PLA2G4F: variants seen among roughly 807,000 people sequenced by gnomAD.
PLA2G4F encodes the protein phospholipase A2 group IVF, also known as cytosolic phospholipase A2 zeta.
PLA2G4F carries 105 observed loss-of-function variants against 103.1 expected under a neutral mutation model. That is an observed-to-expected ratio of 1.02 (90% CI 0.87 to 1.20). The LOEUF (loss-of-function observed/expected upper bound fraction) is 1.20, where lower values mean the gene tolerates loss of function less well. Among genes scored for constraint, PLA2G4F ranks in the 50% most tolerant of loss-of-function variants. PLA2G4F has a pLI of 0.00. For synonymous variants in PLA2G4F, 468 were observed against 441.1 expected (o/e 1.06, Z -0.76); for missense variants, 1,155 against 1,075.9 (o/e 1.07, Z -1.03).
rs1024853317 is a variant in PLA2G4F, at chr15:42,149,760, C to A, written c.1012G>T (p.Ala338Ser). 6.2e-7 allele frequency: 1 copy of A among 1,614,094 alleles called. No individual in the cohort carries two copies. The highest frequency in any genetic ancestry group is 1.3e-5 in the African/African-American group (1 of 74,932). ...CTCAATCCCAGCACTTGCTGCAGGG[C>A]CTTGGACACGACCTGCTTCCTCCTG... ...LDRRKQVVSKALQQVLGLSEA... is the reference protein window; with the variant it reads ...LDRRKQVVSKSLQQVLGLSEA... The change falls in exon 11 of 20, where the codon GCC becomes TCC. Residue 338 changes from alanine (A) to serine (S), a missense_variant. Ala to Ser is a moderately conservative substitution (Grantham distance 99, BLOSUM62 1). This residue lies in a region of PLA2G4F where 782 missense variants were observed against 692.9 expected (regional missense o/e 1.13). Coordinates refer to ENST00000397272, the MANE Select transcript of PLA2G4F (RefSeq NM_213600.4).
At position 42,142,066 on chromosome 15, in the gene PLA2G4F, A is replaced by G. The variant is rs2048831095; in HGVS notation, c.2468T>C (p.Val823Ala). 1.2e-6 allele frequency: 2 copies of G among 1,614,038 alleles called. No homozygotes were observed. The highest frequency in any genetic ancestry group is 2.2e-5 in the South Asian group (2 of 91,086). ...YRLVALSRYN[V>A]LNNVETLKCA... Reference sequence around the variant, plus strand: ...CTTCAAGGTCTCCACGTTGTTCAGGACGTTGTATCGACTGAGGGCCACCAG... The same window carrying G: ...CTTCAAGGTCTCCACGTTGTTCAGGGCGTTGTATCGACTGAGGGCCACCAG... The change falls in exon 20 of 20, where the codon GTC becomes GCC. Residue 823 changes from valine (V) to alanine (A), a missense_variant. Physicochemically the swap from Val to Ala is moderately conservative, Grantham distance 64 (BLOSUM62 0). This residue lies in a region of PLA2G4F where 782 missense variants were observed against 692.9 expected (regional missense o/e 1.13). Coordinates refer to ENST00000397272, the MANE Select transcript of PLA2G4F (RefSeq NM_213600.4).
At chr15:42,148,563 A>G in intron 11 of PLA2G4F, 1 of 942,876 alleles carries the variant, frequency 1.1e-6, no homozygotes, top group Non-Finnish European at 1.3e-6. Flanking sequence ...ATCGATCTCT[A>G]CACATGGATG....
At chr15:42,156,023 G>C (rs906006255) in intron 1 of PLA2G4F, among the ~76,000 whole-genome samples, 53 of 152,316 alleles carry the variant, frequency 3.5e-4, no homozygotes, top group African/African-American at 1.3e-3. Context: ...CTAGGAGGCA[G>C]CGAGCAGGTG....
rs780753169 is a variant in PLA2G4F at position 42,147,636 on chromosome 15, C to G, written c.1186G>C (p.Gly396Arg). Residue 396 changes from glycine to arginine, a missense_variant, in exon 12 of 20, where the codon GGG becomes CGG. Physicochemically the swap from Gly to Arg is moderately radical, Grantham distance 125. Coordinates refer to ENST00000397272, the MANE Select transcript of PLA2G4F (RefSeq NM_213600.4). ...CCCCACCTCACTTACCAGGTAGACCCAGAGACCCCACTCAGGTAGGTCACA... is the reference window on the plus strand; with the variant it reads ...CCCCACCTCACTTACCAGGTAGACCGAGAGACCCCACTCAGGTAGGTCACA... ...DTVTYLSGVS[G>R]STWCISTLYR... is the part of the protein sequence containing the mutation. 3 of 1,614,006 alleles carry G rather than the reference C, an allele frequency of 1.9e-6. No individual in the cohort carries two copies. The highest frequency in any genetic ancestry group is 1.7e-6 in the Non-Finnish European group (2 of 1,179,986).
At chr15:42,145,543 G>T in intron 16 of PLA2G4F, 32 bp downstream of exon 16, 1 of 1,587,330 alleles carries the variant, frequency 6.3e-7, no homozygotes, top group Non-Finnish European at 8.6e-7. Context: ...CTGGAATGTG[G>T]TGTGGGAGGG....
rs531064894 is a variant in PLA2G4F, at chr15:42,142,591, G to T, written c.2266C>A (p.Arg756Ser). The change falls in exon 19 of 20, where the codon CGC (arginine) becomes AGC (serine). Residue 756 changes from arginine to serine, a missense_variant. Arg to Ser is a moderately radical substitution (Grantham distance 110). This residue lies in a region of PLA2G4F where 782 missense variants were observed against 692.9 expected (regional missense o/e 1.13). Transcript: ENST00000397272. ...CYLFAKAEDP[R>S]SPIVLHFPLV... ...GGGAAGTGCAGCACAATGGGGGAGCGGGGGTCCTCAGCCTTGGCAAACAGA... is the reference window on the plus strand; with the variant it reads ...GGGAAGTGCAGCACAATGGGGGAGCTGGGGTCCTCAGCCTTGGCAAACAGA... 6.2e-7 allele frequency: 1 copy of T among 1,614,074 alleles called. No individual in the cohort carries two copies. Among genetic ancestry groups the T allele is most frequent in the East Asian group, 2.2e-5 (1 of 44,872 alleles).
At chr15:42,142,325 C>T (rs1178814614) in intron 19 of PLA2G4F, 121 bp from the exon 20 acceptor site, 3 of 1,166,774 alleles carry the variant, frequency 2.6e-6, no homozygotes, top group Non-Finnish European at 3.6e-6. Flanking sequence ...CCTGCTTGGG[C>T]CACATCTCAG....
chr15:42,155,615 C>G (rs1375269274), intron 1 of PLA2G4F, 26 bp from the exon 2 acceptor site: 29 of 1,607,840 alleles, frequency 1.8e-5, no homozygotes, highest in African/African-American at 2.7e-5. Flanking sequence ...TCCAGGGACT[C>G]AGTCAGCTAG....
intron 16 of PLA2G4F, 140 bp downstream of exon 16, chr15:42,145,435 A>G: frequency 1.2e-6 from 1 of 828,528 alleles, no homozygotes; most frequent in Non-Finnish European, 2.0e-6. Flanking sequence ...ACCCTAAGCT[A>G]GAAGTCATTT....
intron 2 of PLA2G4F, 81 bp downstream of exon 2, chr15:42,155,432 ACACT>A (rs1397624089): frequency 1.0e-5 from 14 of 1,405,758 alleles, no homozygotes; most frequent in Middle Eastern, 1.8e-4. Context: ...TTACACACAC[ACACT>A]CTCTGTTAGC....
In PLA2G4F at chr15:42,142,608, G is replaced by A. The variant is rs1286884464; in HGVS notation, c.2249C>T (p.Ala750Val). ...GGGGGAGCGGGGGTCCTCAGCCTTG[G>A]CAAACAGATAGCACTCACGGGCCTC... ...MEEARECYLFAKAEDPRSPIV... is the reference protein window; with the variant it reads ...MEEARECYLFVKAEDPRSPIV... Residue 750 changes from alanine (A) to valine (V), a missense_variant, in exon 19 of 20, where the codon GCC (alanine) becomes GTC (valine). Physicochemically the swap from Ala to Val is moderately conservative, Grantham distance 64 (BLOSUM62 0). Transcript: ENST00000397272. 1.9e-6 allele frequency: 3 copies of A among 1,614,074 alleles called. No homozygotes were observed. The Admixed American group carries it at 5.0e-5, about 27-fold the overall frequency.
At position 42,142,108 on chromosome 15, in the gene PLA2G4F, G is replaced by A. The variant is rs763063941; in HGVS notation, c.2426C>T (p.Pro809Leu). The A allele has an allele frequency of 2.5e-6, 4 of 1,614,060 alleles. No homozygotes were observed. Among genetic ancestry groups the A allele is most frequent in the Non-Finnish European group, 2.5e-6 (3 of 1,179,886 alleles). ...PYGMMNFTYE[P>L]QDFYRLVALS... ...GGCCACCAGCCGATAAAAGTCCTGG[G>A]GCTCATAGGTGAAGTTCATCATGCC... Residue 809 changes from proline (P) to leucine (L), a missense_variant, in exon 20 of 20, where the codon CCC becomes CTC. Physicochemically the swap from Pro to Leu is moderately conservative, Grantham distance 98. This residue lies in a region of PLA2G4F where 782 missense variants were observed against 692.9 expected (regional missense o/e 1.13). Coordinates refer to ENST00000397272, the MANE Select transcript of PLA2G4F (RefSeq NM_213600.4).
rs2048987987 is a variant in PLA2G4F at position 42,154,159 on chromosome 15, A to T, written c.383T>A (p.Leu128His). 6.2e-7 allele frequency: 1 copy of T among 1,614,066 alleles called. No homozygotes were observed. The highest frequency in any genetic ancestry group is 1.3e-5 in the African/African-American group (1 of 74,906). ...CTTGAGGCTTCTCAGGTCAAACAGG[A>T]GCAGAGAGAGCTGGTCGCTGCCCAG... ...DILGSDQLSLLLFDLRSLKCG... is the reference protein window; with the variant it reads ...DILGSDQLSLHLFDLRSLKCG... The change falls in exon 4 of 20, where the codon CTC becomes CAC. Residue 128 changes from leucine (L) to histidine (H), a missense_variant. Transcript: ENST00000397272.
In PLA2G4F at chr15:42,149,743, C is replaced by T. The variant is rs1445878456; in HGVS notation, c.1029G>A (p.Leu343=). ...QVVSKALQQV[L]GLSEALDSGQ... The stretch of plus-strand genomic sequence containing the variant: ...CACTGTCCAGAGCCTCACTCAATCC[C>T]AGCACTTGCTGCAGGGCCTTGGACA... The change falls in exon 11 of 20, where the codon CTG becomes CTA. Residue 343 remains leucine (L), a synonymous_variant. Transcript: ENST00000397272. 2 of 1,614,114 alleles carry T rather than the reference C, an allele frequency of 1.2e-6. No homozygotes were observed. The highest frequency in any genetic ancestry group is 1.7e-6 in the Non-Finnish European group (2 of 1,180,056).
chr15:42,156,363 T>A, intron 1 of PLA2G4F, 76 bp downstream of exon 1: 1 of 1,234,922 alleles, frequency 8.1e-7, no homozygotes, highest in Non-Finnish European at 1.1e-6. Context: ...CTGGGGCTGG[T>A]CTCAGTCTTC....
chr15:42,146,967 C>G lies in PLA2G4F; in HGVS notation c.1419+157G>C. 2.0e-5 allele frequency: 14 copies of G among 710,804 alleles called. No homozygotes were observed. The South Asian group carries it at 2.7e-4, about 13-fold the overall frequency. 44.0% of individuals were successfully genotyped at this position (710,804 alleles called of 1,614,324 possible). A position where few individuals can be genotyped will look rare whatever the true frequency, so the allele number is the denominator to read the frequency against. On this transcript the variant is annotated intron_variant, in intron 13 of 19. Transcript: ENST00000397272. ...AGGAGCTAGGGAGGCAAAATGGTAC[C>G]AGCCCACCCTGGAGTCACACTCCTG...
intron 11 of PLA2G4F, chr15:42,148,480 T>C (rs751622661): frequency 1.6e-4 from 64 of 404,478 alleles, no homozygotes; most frequent in South Asian, 8.2e-4. Context: ...TTTAGCAGCA[T>C]TTCTGGCCCC....
At position 42,144,144 on chromosome 15, in the gene PLA2G4F, T is replaced by C. The variant is rs2048854579; in HGVS notation, c.1976A>G (p.Asp659Gly). The change falls in exon 18 of 20, where the codon GAC becomes GGC. Residue 659 changes from aspartate to glycine, a missense_variant and splice_region_variant. Coordinates refer to ENST00000397272, the MANE Select transcript of PLA2G4F (RefSeq NM_213600.4). The part of the protein sequence containing the change: ...VAGREFVAWK[D>G]THPDAFPNQL... Reference sequence around the variant, plus strand: ...GTTGGGGAAGGCGTCCGGGTGTGTGTCTGCAAGGAACCCATGTGTACGCAC... The same window carrying C: ...GTTGGGGAAGGCGTCCGGGTGTGTGCCTGCAAGGAACCCATGTGTACGCAC... 1 of 1,606,480 alleles carries C rather than the reference T, an allele frequency of 6.2e-7. No individual in the cohort carries two copies. Among genetic ancestry groups the C allele is most frequent in the South Asian group, 1.1e-5 (1 of 89,826 alleles).
Position 42,150,447 on chromosome 15 carries a change from G to A in PLA2G4F, c.811C>T (p.Leu271=). The A allele has an allele frequency of 1.2e-6, 2 of 1,613,500 alleles. No individual in the cohort carries two copies. Among genetic ancestry groups the A allele is most frequent in the Non-Finnish European group, 1.7e-6 (2 of 1,179,930 alleles). The stretch of plus-strand genomic sequence containing the variant: ...GAGAGCAGGATGCCCCCCTCGCCCA[G>A]CTTGCTGGTCTGAGCCTCCAACTCT... ...SAELEAQTSK[L]GEGGILLSSL... is the part of the protein sequence containing the mutation. Residue 271 remains leucine, a synonymous_variant, in exon 9 of 20, where the codon CTG becomes TTG. Coordinates refer to ENST00000397272, the MANE Select transcript of PLA2G4F (RefSeq NM_213600.4).
Sources: gnomAD v4.1 joint callset for allele counts (sites outside exome capture counted in the v4.1 genomes callset) on GRCh38, gnomAD v4.1.1 for gene constraint, gnomAD v4.1.1 regional missense constraint, MANE v1.5 for transcripts, NCBI Gene and HGNC (gene_info 2026-07-23, HGNC 2026-07-21) for gene names.